The following LAMC2 variants were observed in gnomAD, a reference collection of about 807,000 sequenced individuals.
LAMC2 encodes laminin subunit gamma 2.
LAMC2 carries 97 observed loss-of-function variants against 140.2 expected under a neutral mutation model. That is an observed-to-expected ratio of 0.69 (90% CI 0.59 to 0.82). The LOEUF is 0.82. Ranked by LOEUF, LAMC2 falls within the 40% of genes least tolerant of loss-of-function variation. The pLI, the probability that LAMC2 is intolerant of heterozygous loss-of-function variation, is 0.00. For missense variants in LAMC2, 1,402 were observed against 1,476.1 expected (o/e 0.95, Z 0.82); for synonymous variants, 513 against 540.2 (o/e 0.95, Z 0.70).
chr1:183,252,514 T>G, the LAMC2 span: 1 of 695,150 alleles, frequency 1.4e-6, no homozygotes. Context: ...CCCCACACTA[T>G]GGGGGGTTAA....
At chr1:183,237,572 C>T in intron 18 of LAMC2, 68 bp downstream of exon 18, 1 of 1,376,138 alleles carries the variant, frequency 7.3e-7, no homozygotes, top group South Asian at 1.2e-5. Flanking sequence ...ATAAATATGG[C>T]AAGAAGAATA....
At chr1:183,196,348 G>A (rs1329781844) in intron 1 of LAMC2, among the ~76,000 whole-genome samples, 1 of 152,162 alleles carries the variant, frequency 6.6e-6, no homozygotes, top group Non-Finnish European at 1.5e-5. Flanking sequence ...TGTTGGTAAG[G>A]CTGGTCTCAA....
chr1:183,189,786 G>C (rs1484615530), intron 1 of LAMC2, among the ~76,000 whole-genome samples: 1 of 152,202 alleles, frequency 6.6e-6, no homozygotes, highest in Non-Finnish European at 1.5e-5. Context: ...CTGGTGTTCA[G>C]ATATCCAAAT....
intron 14 of LAMC2, among the ~76,000 whole-genome samples, chr1:183,233,599 G>A (rs1659860022): frequency 6.6e-6 from 1 of 152,100 alleles, no homozygotes; most frequent in Non-Finnish European, 1.5e-5. Context: ...CTTTATTACA[G>A]AAATGTTTGT....
chr1:183,218,293 A>T, intron 3 of LAMC2, 97 bp from the exon 4 acceptor site: 1 of 982,510 alleles, frequency 1.0e-6, no homozygotes, highest in Non-Finnish European at 1.6e-6. Context: ...AGGACTGCCC[A>T]GCTTCGTGAT....
In LAMC2 at chr1:183,245,031, T is replaced by C. The variant is rs1472261099; in HGVS notation, c.*1631T>C. On this transcript the variant is annotated 3_prime_UTR_variant, in exon 23 of 23. Transcript: ENST00000264144. ...CTTCAGTTCCCACTTCTGAGCATCT[T>C]ACTTCGCCCATTCCAACCATACAGG... is the stretch of plus-strand genomic sequence containing the variant. The C allele has an allele frequency of 1.3e-5, 2 of 152,192 alleles. No individual in the cohort carries two copies. Among genetic ancestry groups the C allele is most frequent in the East Asian group, 3.9e-4 (2 of 5,192 alleles). 9.4% of individuals were successfully genotyped at this position (152,192 alleles called of 1,614,324 possible). A position where few individuals can be genotyped will look rare whatever the true frequency, so the allele number is the denominator to read the frequency against.
At chr1:183,236,933 C>G (rs898826414) in intron 17 of LAMC2, among the ~76,000 whole-genome samples, 2 of 152,140 alleles carry the variant, frequency 1.3e-5, no homozygotes. Context: ...TAGTATATCT[C>G]TATGTATAGC....
chr1:183,191,164 T>C (rs1214199862), intron 1 of LAMC2, among the ~76,000 whole-genome samples: 1 of 151,202 alleles, frequency 6.6e-6, no homozygotes, highest in Non-Finnish European at 1.5e-5. Flanking sequence ...CCCTATAATA[T>C]GCAAGATTTT....
chr1:183,222,194 T>C lies in LAMC2; in HGVS notation c.746T>C (p.Val249Ala). The C allele has an allele frequency of 6.2e-7, 1 of 1,614,166 alleles. No homozygotes were observed. Among genetic ancestry groups the C allele is most frequent in the Non-Finnish European group, 8.5e-7 (1 of 1,179,998 alleles). Residue 249 changes from valine (V) to alanine (A), a missense_variant, in exon 6 of 23, where the codon GTC becomes GCC. Val to Ala is a moderately conservative substitution (Grantham distance 64). Transcript: ENST00000264144. ...AGCTCAGCCCAACGACTAGACCCTGTCTATTTTGTGGCTCCTGGTATGTGA... is the reference window on the plus strand; with the variant it reads ...AGCTCAGCCCAACGACTAGACCCTGCCTATTTTGTGGCTCCTGGTATGTGA... ...VFSSAQRLDPVYFVAPAKFLG... is the reference protein window; with the variant it reads ...VFSSAQRLDPAYFVAPAKFLG...
Position 183,243,562 on chromosome 1 carries a change from T to A in LAMC2, c.*162T>A. 2.4e-6 allele frequency: 2 copies of A among 820,354 alleles called. No individual in the cohort carries two copies. Among genetic ancestry groups the A allele is most frequent in the Non-Finnish European group, 4.0e-6 (2 of 497,614 alleles). 50.8% of individuals were successfully genotyped at this position (820,354 alleles called of 1,614,324 possible). A position where few individuals can be genotyped will look rare whatever the true frequency, so the allele number is the denominator to read the frequency against. ...ATTCCTGATCCCATGGCCAGGTGGT[T>A]GTCTTATTGCACCATACTCCTTGCT... On this transcript the variant is annotated 3_prime_UTR_variant, in exon 23 of 23. Coordinates refer to ENST00000264144, the MANE Select transcript of LAMC2 (RefSeq NM_005562.3).
intron 1 of LAMC2, 96 bp downstream of exon 1, chr1:183,186,527 C>A (rs1658157179): frequency 2.9e-6 from 4 of 1,385,798 alleles, no homozygotes; most frequent in South Asian, 2.5e-5. Context: ...CGAGGATTCC[C>A]ACTTTGTCCA....
downstream of LAMC2, among the ~76,000 whole-genome samples, chr1:183,247,674 A>G (rs887068115): frequency 6.6e-6 from 1 of 152,226 alleles, no homozygotes; most frequent in Non-Finnish European, 1.5e-5. Flanking sequence ...CTTCTGAATC[A>G]TATCTGATAA....
intron 1 of LAMC2, among the ~76,000 whole-genome samples, chr1:183,203,604 A>G (rs1335548556): frequency 6.6e-6 from 1 of 151,210 alleles, no homozygotes; most frequent in East Asian, 2.0e-4. Flanking sequence ...GCATCATTCC[A>G]TGCAAAAGGA....
At chr1:183,187,598 T>C (rs1222787635) in intron 1 of LAMC2, among the ~76,000 whole-genome samples, 3 of 152,042 alleles carry the variant, frequency 2.0e-5, no homozygotes, top group Non-Finnish European at 4.4e-5. Context: ...CGAAACATCA[T>C]GTTGTATACC....
intron 2 of LAMC2, 51 bp downstream of exon 2, chr1:183,208,120 C>T (rs374566969): frequency 4.1e-6 from 6 of 1,475,366 alleles, no homozygotes; most frequent in South Asian, 1.1e-5. Context: ...AGTGGGGAGA[C>T]AAGAGGGAAG....
chr1:183,195,224 A>T (rs1040974528), intron 1 of LAMC2, among the ~76,000 whole-genome samples: 1 of 152,002 alleles, frequency 6.6e-6, no homozygotes, highest in Non-Finnish European at 1.5e-5. Context: ...AGACATCTCC[A>T]GGTGTGAACT....
rs1658316339 is a variant in LAMC2 at position 183,191,082 on chromosome 1, T to G, written c.79+4651T>G. ...TTCTTACTGATAAGTCTCCAATACA[T>G]TGATTGAGGTCATTTTAGCTTAATG... On this transcript the variant is annotated intron_variant, in intron 1 of 22. Coordinates refer to ENST00000264144, the MANE Select transcript of LAMC2 (RefSeq NM_005562.3). 2.0e-5 allele frequency among the ~76,000 whole-genome samples: 3 copies of G among 152,210 alleles called. No individual in the cohort carries two copies. In the South Asian group the frequency reaches 6.2e-4, roughly 32 times the overall value.
At position 183,236,532 on chromosome 1, in the gene LAMC2, G is replaced by A. The variant is rs762064570; in HGVS notation, c.2529G>A (p.Arg843=). 1.9e-6 allele frequency: 3 copies of A among 1,614,104 alleles called. No homozygotes were observed. Among genetic ancestry groups the A allele is most frequent in the South Asian group, 1.1e-5 (1 of 91,074 alleles). ...CTCAAGCGGAAATTGAAGCAGATAG[G>A]TCTTATCAGCACAGTCTCCGCCTCC... is the stretch of plus-strand genomic sequence containing the variant. The part of the protein sequence containing the change: ...EATQAEIEAD[R]SYQHSLRLLD... Residue 843 remains arginine, a synonymous_variant, in exon 17 of 23, where the codon AGG becomes AGA. Coordinates refer to ENST00000264144, the MANE Select transcript of LAMC2 (RefSeq NM_005562.3).
the LAMC2 span, among the ~76,000 whole-genome samples, chr1:183,254,716 T>C: frequency 2.0e-5 from 3 of 152,246 alleles, no homozygotes; most frequent in Non-Finnish European, 4.4e-5. Context: ...GGATTATAGG[T>C]ATGAGCCATC....
Sources: allele counts gnomAD v4.1 joint callset (sites outside exome capture counted in the v4.1 genomes callset), GRCh38; gene constraint gnomAD v4.1.1; transcripts MANE v1.5; gene names NCBI Gene and HGNC (gene_info 2026-07-23, HGNC 2026-07-21).